Variants in HDAC9 observed in about 807,000 individuals in gnomAD.
HDAC9 encodes the protein histone deacetylase 9.
A neutral mutation model predicts 139.4 loss-of-function variants in HDAC9; 41 were observed. The ratio of observed to expected loss-of-function variants is 0.29; its 90% CI spans 0.23 to 0.38. The LOEUF (loss-of-function observed/expected upper bound fraction) is 0.38, where lower values mean the gene tolerates loss of function less well. HDAC9 is among the 10% of genes least tolerant of loss of function. The pLI is 1.00. For missense variants in HDAC9, 1,147 were observed against 1,297.0 expected, an observed-to-expected ratio of 0.88 and a Z score of 1.78; for synonymous variants, 517 against 476.2, an observed-to-expected ratio of 1.09 and a Z score of -1.12.
At chr7:18,230,794 A>G (rs989578534) in intron 2 of HDAC9, among the ~76,000 whole-genome samples, 1 of 152,210 alleles carries the variant, frequency 6.6e-6, no homozygotes, top group East Asian at 1.9e-4. Context: ...CCTATCATCA[A>G]CATTATTCAC....
At chr7:18,260,331 T>G (rs1795579976) in intron 2 of HDAC9, among the ~76,000 whole-genome samples, 1 of 148,006 alleles carries the variant, frequency 6.8e-6, no homozygotes, top group Non-Finnish European at 1.5e-5. Context: ...TTGTTTTTTT[T>G]TTTTTTGAGA....
At chr7:18,948,176 T>G (rs1478005645) in intron 23 of HDAC9, among the ~76,000 whole-genome samples, 5 of 152,026 alleles carry the variant, frequency 3.3e-5, no homozygotes, top group Non-Finnish European at 5.9e-5. Context: ...GAAGATACTC[T>G]TACTGCTTCA....
At chr7:18,407,993 T>C (rs1339239684) in intron 1 of HDAC9, among the ~76,000 whole-genome samples, 1 of 152,174 alleles carries the variant, frequency 6.6e-6, no homozygotes, top group Admixed American at 6.5e-5. Context: ...TGTGTGTCGA[T>C]GGACAAATTA....
intron 22 of HDAC9, among the ~76,000 whole-genome samples, chr7:18,917,997 A>G (rs925793868): frequency 1.3e-5 from 2 of 152,076 alleles, no homozygotes; most frequent in African/African-American, 4.8e-5. Flanking sequence ...AGGTTTCACA[A>G]TCTTGATTAC....
chr7:18,487,632 G>A (rs1375426083), intron 1 of HDAC9, among the ~76,000 whole-genome samples: 1 of 152,016 alleles, frequency 6.6e-6, no homozygotes, highest in Non-Finnish European at 1.5e-5. Flanking sequence ...TTGATCTGTT[G>A]AAACATAAGT....
At chr7:18,873,149 G>A (rs1231405296) in intron 21 of HDAC9, among the ~76,000 whole-genome samples, 1 of 152,092 alleles carries the variant, frequency 6.6e-6, no homozygotes, top group African/African-American at 2.4e-5. Flanking sequence ...GGATGGGGAA[G>A]AATCCAGTAT....
intron 11 of HDAC9, among the ~76,000 whole-genome samples, chr7:18,663,350 T>A (rs1000306635): frequency 4.0e-5 from 6 of 151,622 alleles, no homozygotes; most frequent in African/African-American, 1.5e-4. Flanking sequence ...AACAGAAGAG[T>A]CTTTTTACTT....
chr7:18,537,960 A>G (rs901726432), intron 2 of HDAC9, among the ~76,000 whole-genome samples: 1 of 152,176 alleles, frequency 6.6e-6, no homozygotes, highest in Non-Finnish European at 1.5e-5. Context: ...AGGCAGCATC[A>G]TCCTCTGTGC....
At chr7:18,873,998 AATG>A (rs57230233) in intron 21 of HDAC9, among the ~76,000 whole-genome samples, 3 of 113,980 alleles carry the variant, frequency 2.6e-5, no homozygotes, top group Admixed American at 8.8e-5. Flanking sequence ...AATATTTAAA[AATG>A]TTTTTTTTTT....
At chr7:18,928,647 A>G (rs1177371501) in intron 22 of HDAC9, among the ~76,000 whole-genome samples, 1 of 152,158 alleles carries the variant, frequency 6.6e-6, no homozygotes, top group Non-Finnish European at 1.5e-5. Context: ...TGTAGAGAAC[A>G]TGAAAAATGT....
intron 11 of HDAC9, among the ~76,000 whole-genome samples, chr7:18,654,756 G>A (rs1311816260): frequency 3.3e-5 from 5 of 151,880 alleles, no homozygotes; most frequent in Non-Finnish European, 4.4e-5. Context: ...CTTTTGCACC[G>A]GTTTAGATTT....
At chr7:18,895,343 G>C (rs1038178859) in intron 22 of HDAC9, among the ~76,000 whole-genome samples, 2 of 152,090 alleles carry the variant, frequency 1.3e-5, no homozygotes, top group Non-Finnish European at 2.9e-5. Flanking sequence ...AGACAATGTA[G>C]ATTATAAGAG....
intron 6 of HDAC9, among the ~76,000 whole-genome samples, chr7:18,625,856 A>T (rs903568128): frequency 6.7e-6 from 1 of 150,316 alleles, no homozygotes; most frequent in Admixed American, 6.6e-5. Flanking sequence ...AGGCAGGAGA[A>T]TCTCTGGAAC....
chr7:18,438,087 A>G (rs1791385411), intron 1 of HDAC9, among the ~76,000 whole-genome samples: 1 of 150,276 alleles, frequency 6.7e-6, no homozygotes, highest in African/African-American at 2.4e-5. Flanking sequence ...TATATATAAT[A>G]AATTTATTAG....
chr7:18,315,303 A>G (rs1158755023), intron 1 of HDAC9, among the ~76,000 whole-genome samples: 1 of 152,100 alleles, frequency 6.6e-6, no homozygotes, highest in Non-Finnish European at 1.5e-5. Context: ...TTAGTCCTTA[A>G]CATCTCATGA....
At chr7:18,227,355 A>G (rs962495161) in intron 2 of HDAC9, among the ~76,000 whole-genome samples, 3 of 152,168 alleles carry the variant, frequency 2.0e-5, no homozygotes, top group Non-Finnish European at 2.9e-5. Flanking sequence ...ACTACAAGAT[A>G]CTGTTGATAT....
At chr7:18,711,654 C>T (rs770694879) in intron 12 of HDAC9, among the ~76,000 whole-genome samples, 9 of 152,204 alleles carry the variant, frequency 5.9e-5, no homozygotes, top group African/African-American at 2.2e-4. Context: ...ACTTTACAAT[C>T]CTCAGAGTGC....
chr7:18,362,519 A>G (rs918096768), intron 1 of HDAC9, among the ~76,000 whole-genome samples: 10 of 152,166 alleles, frequency 6.6e-5, no homozygotes, highest in African/African-American at 2.4e-4. Flanking sequence ...GGTATATGGT[A>G]TACAGTTCTA....
At chr7:18,126,476 G>A (rs1784680921) in intron 1 of HDAC9, among the ~76,000 whole-genome samples, 3 of 152,078 alleles carry the variant, frequency 2.0e-5, no homozygotes, top group African/African-American at 7.2e-5. Flanking sequence ...AACTTAATTA[G>A]CAGCTAAGAG....
Sources: allele counts gnomAD v4.1 joint callset (sites outside exome capture counted in the v4.1 genomes callset), GRCh38; gene constraint gnomAD v4.1.1; transcripts MANE v1.5; gene names NCBI Gene and HGNC (gene_info 2026-07-23, HGNC 2026-07-21).